Variants in LRRIQ3 observed in about 807,000 individuals in gnomAD.
LRRIQ3 encodes the protein leucine rich repeats and IQ motif containing 3.
Under a neutral mutation model 59.3 loss-of-function variants are expected in LRRIQ3, and 75 were observed. The observed-to-expected ratio is 1.26, with a 90% CI of 1.05 to 1.53. LRRIQ3 has a LOEUF of 1.53. Among genes scored for constraint, LRRIQ3 ranks in the 40% most tolerant of loss-of-function variants. The probability of loss-of-function intolerance (pLI) is 0.00; values close to 1 mark genes in which losing one functional copy is unlikely to be tolerated. For missense variants in LRRIQ3, 831 were observed against 710.0 expected, an observed-to-expected ratio of 1.17 and a Z score of -1.94; for synonymous variants, 250 against 231.3, an observed-to-expected ratio of 1.08 and a Z score of -0.73.
chr1:74,070,569 C>T (rs1654998660), intron 6 of LRRIQ3, among the ~76,000 whole-genome samples: 1 of 151,656 alleles, frequency 6.6e-6, no homozygotes, highest in African/African-American at 2.4e-5. Context: ...TACACCAAAC[C>T]CCTGTGACAT....
chr1:74,050,469 T>C (rs1654338703), intron 6 of LRRIQ3: 2 of 956,326 alleles, frequency 2.1e-6, no homozygotes, highest in Non-Finnish European at 2.5e-6. Flanking sequence ...TCTGAACAGA[T>C]AGTTGGATCT....
rs1167501007 is a variant in LRRIQ3 at position 74,182,877 on chromosome 1, A to C, written c.250-16T>G. The stretch of plus-strand genomic sequence containing the variant: ...GACTCTTTATCTGAAATATTATTAA[A>C]AATCTTTTAAATTCCAAAATTACTT... On this transcript the variant is annotated splice_polypyrimidine_tract_variant and intron_variant, in intron 2 of 7. Transcript: ENST00000354431. The C allele has an allele frequency of 7.5e-7, 1 of 1,327,414 alleles. No homozygotes were observed. The highest frequency in any genetic ancestry group is 1.0e-6 in the Non-Finnish European group (1 of 1,001,630). 82.2% of individuals were successfully genotyped at this position (1,327,414 alleles called of 1,614,324 possible).
At chr1:74,071,143 T>C (rs1318745378) in intron 6 of LRRIQ3, among the ~76,000 whole-genome samples, 3 of 151,844 alleles carry the variant, frequency 2.0e-5, no homozygotes, top group Non-Finnish European at 4.4e-5. Flanking sequence ...TAACTATCTA[T>C]TGTCTATCAT....
In LRRIQ3 at chr1:74,198,030, A is replaced by T; in HGVS notation, c.-35T>A. On this transcript the variant is annotated 5_prime_UTR_variant, in exon 1 of 8. Transcript: ENST00000354431. ...TGGGCTGCAAGCCCTTATGAGTTGG[A>T]GACAAGTGGCCCAGCCCCAACACAG... The T allele has an allele frequency of 1.4e-6, 1 of 710,232 alleles. No individual in the cohort carries two copies. Among genetic ancestry groups the T allele is most frequent in the Non-Finnish European group, 2.2e-6 (1 of 457,594 alleles). 44.0% of individuals were successfully genotyped at this position (710,232 alleles called of 1,614,324 possible).
At chr1:74,173,933 G>T (rs1649482451) in intron 3 of LRRIQ3, among the ~76,000 whole-genome samples, 1 of 152,010 alleles carries the variant, frequency 6.6e-6, no homozygotes, top group Non-Finnish European at 1.5e-5. Context: ...TGTTTATATG[G>T]TGTTCTGAAT....
Position 74,104,908 on chromosome 1 carries a change from ACT to A in LRRIQ3, c.867+4484_867+4485del, listed in dbSNP as rs551455152. 6.8e-3 allele frequency among the ~76,000 whole-genome samples: 1,036 copies of A among 151,794 alleles called. 5 individuals are homozygous for A. The highest frequency in any genetic ancestry group is 9.0e-3 in the Non-Finnish European group (609 of 67,876). On this transcript the variant is annotated intron_variant, in intron 5 of 7. Transcript: ENST00000354431. The stretch of plus-strand genomic sequence containing the variant: ...GATGCCAATTGTGGGGTATAGGGAA[ACT>A]CTCTGTACTTCCCACTCAACTTTGT...
At chr1:74,072,856 G>A (rs188038344) in intron 6 of LRRIQ3, among the ~76,000 whole-genome samples, 23 of 151,954 alleles carry the variant, frequency 1.5e-4, no homozygotes, top group African/African-American at 2.7e-4. Flanking sequence ...TTGATTATTC[G>A]AATATTCTGA....
chr1:74,132,055 A>T (rs191130239), intron 4 of LRRIQ3, among the ~76,000 whole-genome samples: 29 of 152,290 alleles, frequency 1.9e-4, no homozygotes, highest in African/African-American at 6.5e-4. Context: ...CAATGTGCAA[A>T]TATCACAAAC....
In LRRIQ3 at chr1:74,198,053, C is replaced by T. The variant is rs917408382; in HGVS notation, c.-58G>A. 29 of 913,762 alleles carry T rather than the reference C, an allele frequency of 3.2e-5. No homozygotes were observed. The highest frequency in any genetic ancestry group is 1.6e-4 in the South Asian group (8 of 51,430). The allele number at this position is 913,762 out of a possible 1,614,324, so 56.6% of individuals were successfully genotyped here. On this transcript the variant is annotated 5_prime_UTR_variant, in exon 1 of 8. It adds an upstream start codon to the 5' untranslated region. Transcript: ENST00000354431. ...GGAGACAAGTGGCCCAGCCCCAACA[C>T]AGTCAGACAAATCGCTGGGCGGCCA... is the stretch of plus-strand genomic sequence containing the variant.
chr1:74,178,235 A>C (rs1649763741), intron 3 of LRRIQ3, among the ~76,000 whole-genome samples: 1 of 151,990 alleles, frequency 6.6e-6, no homozygotes, highest in Non-Finnish European at 1.5e-5. Context: ...ACATTCATTT[A>C]TAATACACTT....
At chr1:74,032,623 T>A (rs973799807) in intron 7 of LRRIQ3, among the ~76,000 whole-genome samples, 2 of 152,150 alleles carry the variant, frequency 1.3e-5, no homozygotes, top group South Asian at 4.1e-4. Context: ...GAAAGGCTCA[T>A]GTGATACATT....
intron 1 of LRRIQ3, among the ~76,000 whole-genome samples, chr1:74,185,211 T>TA (rs1297643367): frequency 6.6e-6 from 1 of 152,198 alleles, no homozygotes; most frequent in East Asian, 1.9e-4. Flanking sequence ...TTTCATTTTG[T>TA]AAAAAACTGC....
intron 6 of LRRIQ3, among the ~76,000 whole-genome samples, chr1:74,055,565 T>C (rs1379715156): frequency 6.6e-6 from 1 of 152,164 alleles, no homozygotes; most frequent in Non-Finnish European, 1.5e-5. Context: ...ATTATACATA[T>C]TCATTATATG....
intron 3 of LRRIQ3, among the ~76,000 whole-genome samples, chr1:74,159,830 A>G (rs1648557647): frequency 6.6e-6 from 1 of 152,094 alleles, no homozygotes; most frequent in African/African-American, 2.4e-5. Flanking sequence ...ATCCACACTC[A>G]TATTATATTA....
At chr1:74,189,632 T>C (rs1403876999) in intron 1 of LRRIQ3, among the ~76,000 whole-genome samples, 2 of 152,108 alleles carry the variant, frequency 1.3e-5, no homozygotes, top group African/African-American at 4.8e-5. Flanking sequence ...AGAGACCCAG[T>C]GGGAGATAAT....
chr1:74,133,811 G>T (rs1299234974), intron 4 of LRRIQ3, among the ~76,000 whole-genome samples: 2 of 151,858 alleles, frequency 1.3e-5, no homozygotes, highest in East Asian at 3.9e-4. Flanking sequence ...GTATACATAT[G>T]TAACAAACCT....
chr1:74,133,354 A>G (rs531439825), intron 4 of LRRIQ3, among the ~76,000 whole-genome samples: 9 of 152,260 alleles, frequency 5.9e-5, no homozygotes, highest in South Asian at 2.1e-4. Flanking sequence ...CAGCCATCCC[A>G]TTACTGGGTA....
chr1:74,075,423 C>T (rs1037137266), intron 5 of LRRIQ3, among the ~76,000 whole-genome samples: 1 of 151,924 alleles, frequency 6.6e-6, no homozygotes, highest in Non-Finnish European at 1.5e-5. Context: ...GAAAATTAGC[C>T]AGGTGTGGTG....
chr1:74,105,653 T>C (rs993583523), intron 5 of LRRIQ3, among the ~76,000 whole-genome samples: 1 of 151,994 alleles, frequency 6.6e-6, no homozygotes, highest in Non-Finnish European at 1.5e-5. Context: ...TAAAAATATA[T>C]ATTTAACCTT....
Sources: gnomAD v4.1 joint callset for allele counts (sites outside exome capture counted in the v4.1 genomes callset) on GRCh38, gnomAD v4.1.1 for gene constraint, MANE v1.5 for transcripts, NCBI Gene and HGNC (gene_info 2026-07-23, HGNC 2026-07-21) for gene names.